XRCC5: variants seen among roughly 807,000 people sequenced by gnomAD.
The protein encoded by XRCC5 is DNA repair protein Ku80.
Under a neutral mutation model 95.7 loss-of-function variants are expected in XRCC5, and 12 were observed. The observed-to-expected ratio is 0.13, with a 90% CI of 0.08 to 0.20. XRCC5 has a LOEUF of 0.20. Among genes scored for constraint, XRCC5 ranks in the 10% least tolerant of loss-of-function variants. The pLI, the probability that XRCC5 is intolerant of heterozygous loss-of-function variation, is 1.00. For synonymous variants in XRCC5, 281 were observed against 290.3 expected (o/e 0.97, Z 0.33); for missense variants, 595 against 873.9 (o/e 0.68, Z 4.02).
intron 6 of XRCC5, among the ~76,000 whole-genome samples, chr2:216,124,897 A>T (rs1696878701): frequency 6.6e-6 from 1 of 152,156 alleles, no homozygotes; most frequent in East Asian, 1.9e-4. Flanking sequence ...TGAAAATATG[A>T]TTGATTTTCA....
Position 216,127,596 on chromosome 2 carries a change from G to C in XRCC5, c.859G>C (p.Glu287Gln). The change falls in exon 8 of 21, where the codon GAA becomes CAA. Residue 287 changes from glutamate to glutamine, a missense_variant. Physicochemically the swap from Glu to Gln is conservative, Grantham distance 29. Around this residue, in one of 2 missense-constraint regions of XRCC5, gnomAD observed 286 missense variants for 491.1 expected, o/e 0.58. Transcript: ENST00000392132. ...TVVDAKTLKK[E>Q]DIQKETVYCL... Reference sequence around the variant, plus strand: ...TGTGGATGCAAAAACCCTAAAAAAAGAAGATATACAAAAAGAAACAGTTTA... The same window carrying C: ...TGTGGATGCAAAAACCCTAAAAAAACAAGATATACAAAAAGAAACAGTTTA... 6.2e-7 allele frequency: 1 copy of C among 1,612,364 alleles called. No individual in the cohort carries two copies. Among genetic ancestry groups the C allele is most frequent in the East Asian group, 2.2e-5 (1 of 44,760 alleles).
intron 16 of XRCC5, among the ~76,000 whole-genome samples, chr2:216,181,401 G>T (rs1689383999): frequency 6.6e-6 from 1 of 151,996 alleles, no homozygotes; most frequent in South Asian, 2.1e-4. Context: ...CCCATTCAAG[G>T]CTTGCCACAA....
intron 13 of XRCC5, among the ~76,000 whole-genome samples, chr2:216,142,721 C>T (rs1433000458): frequency 6.6e-6 from 1 of 152,214 alleles, no homozygotes; most frequent in Non-Finnish European, 1.5e-5. Flanking sequence ...TCCCTTATGA[C>T]TCACTTCATG....
Position 216,192,745 on chromosome 2 carries a change from C to G in XRCC5, c.2041+10C>G, listed in dbSNP as rs749283469. On this transcript the variant is annotated intron_variant, in intron 18 of 20. Coordinates refer to ENST00000392132, the MANE Select transcript of XRCC5 (RefSeq NM_021141.4). Reference sequence around the variant, plus strand: ...GAAATTGTTGTCCAGGGTAAGTTGTCATTTGCCTTTTTTTTTAAAAAGTAT... The same window carrying G: ...GAAATTGTTGTCCAGGGTAAGTTGTGATTTGCCTTTTTTTTTAAAAAGTAT... 1.6e-5 allele frequency: 24 copies of G among 1,542,388 alleles called. No homozygotes were observed. Among genetic ancestry groups the G allele is most frequent in the Non-Finnish European group, 2.1e-5 (24 of 1,146,868 alleles).
intron 12 of XRCC5, 78 bp downstream of exon 12, chr2:216,138,257 T>C (rs1193313523): frequency 2.3e-6 from 3 of 1,318,692 alleles, no homozygotes; most frequent in African/African-American, 1.5e-5. Context: ...TAGTTGTTGG[T>C]TGGGGCTAGG....
At chr2:216,132,279 A>G (rs1697007543) in intron 9 of XRCC5, 46 bp from the exon 10 acceptor site, 1 of 1,572,880 alleles carries the variant, frequency 6.4e-7, no homozygotes, top group African/African-American at 1.4e-5. Flanking sequence ...ATGGTTATAC[A>G]TGTTACTTAT....
chr2:216,192,752 C>G lies in XRCC5; in HGVS notation c.2041+17C>G. 1 of 1,503,816 alleles carries G rather than the reference C, an allele frequency of 6.6e-7. No homozygotes were observed. Among genetic ancestry groups the G allele is most frequent in the Non-Finnish European group, 8.9e-7 (1 of 1,120,066 alleles). 93.2% of individuals were successfully genotyped at this position (1,503,816 alleles called of 1,614,324 possible). Reference sequence around the variant, plus strand: ...TTGTCCAGGGTAAGTTGTCATTTGCCTTTTTTTTTAAAAAGTATTTTTAAA... The same window carrying G: ...TTGTCCAGGGTAAGTTGTCATTTGCGTTTTTTTTTAAAAAGTATTTTTAAA... On this transcript the variant is annotated intron_variant, in intron 18 of 20. Coordinates refer to ENST00000392132, the MANE Select transcript of XRCC5 (RefSeq NM_021141.4).
chr2:216,191,803 T>C (rs1689618449), intron 17 of XRCC5, among the ~76,000 whole-genome samples: 1 of 152,162 alleles, frequency 6.6e-6, no homozygotes, highest in African/African-American at 2.4e-5. Flanking sequence ...TATTAAGAAG[T>C]TACTAATTTT....
chr2:216,205,192 A>ACATGAT lies in XRCC5; in HGVS notation c.2190_2195dup (p.Met731_Ile732dup). 1 of 1,613,972 alleles carries ACATGAT rather than the reference A, an allele frequency of 6.2e-7. No individual in the cohort carries two copies. Among genetic ancestry groups the ACATGAT allele is most frequent in the African/African-American group, 1.3e-5 (1 of 75,024 alleles). ...GTGTGTTGTTCTTGTTCACAGTTGGACATGATATAGGTCGTGGATGTATGG... is the reference window on the plus strand; with the variant it reads ...GTGTGTTGTTCTTGTTCACAGTTGGACATGATCATGATATAGGTCGTGGATGTATGG... On this transcript the variant is annotated inframe_insertion, in exon 21 of 21. Coordinates refer to ENST00000392132, the MANE Select transcript of XRCC5 (RefSeq NM_021141.4).
chr2:216,160,059 CT>C lies in XRCC5; in HGVS notation c.1671-5del. On this transcript the variant is annotated splice_region_variant and splice_polypyrimidine_tract_variant and intron_variant, in intron 14 of 20. Transcript: ENST00000392132. The stretch of plus-strand genomic sequence containing the variant: ...TTGTTCTAAGAGAAATTTTTTTTTT[CT>C]TTTCTAGCCATGAAGATGGACCTAC... 7.0e-7 allele frequency: 1 copy of C among 1,431,132 alleles called. No homozygotes were observed. Among genetic ancestry groups the C allele is most frequent in the South Asian group, 1.4e-5 (1 of 72,802 alleles). 88.7% of individuals were successfully genotyped at this position (1,431,132 alleles called of 1,614,324 possible).
intron 5 of XRCC5, among the ~76,000 whole-genome samples, chr2:216,120,010 C>T (rs1278298234): frequency 6.6e-6 from 1 of 152,172 alleles, no homozygotes; most frequent in Non-Finnish European, 1.5e-5. Context: ...AGTGGTAAGC[C>T]TTTGGCTTCA....
At chr2:216,200,446 G>A (rs1689815224) in intron 19 of XRCC5, among the ~76,000 whole-genome samples, 1 of 152,130 alleles carries the variant, frequency 6.6e-6, no homozygotes, top group Non-Finnish European at 1.5e-5. Flanking sequence ...GCTAGTACAA[G>A]AAAAGTAATA....
intron 16 of XRCC5, among the ~76,000 whole-genome samples, chr2:216,173,821 T>C (rs1380008901): frequency 1.3e-5 from 2 of 152,314 alleles, no homozygotes; most frequent in South Asian, 4.1e-4. Context: ...CCTTCTGATG[T>C]GGGGTGGTCT....
chr2:216,155,388 C>G lies in XRCC5; in HGVS notation c.1671-4680C>G, dbSNP rs181037349. Among the ~76,000 whole-genome samples, 116 of 151,944 alleles carry G rather than the reference C, an allele frequency of 7.6e-4. 1 individual carries two copies. Among genetic ancestry groups the G allele is most frequent in the Non-Finnish European group, 1.6e-3 (109 of 67,946 alleles). ...CAGGAGCAGAAACTCAGCTGGCTTACAAGTGTATGAAGAGATCTTCAATCT... is the reference window on the plus strand; with the variant it reads ...CAGGAGCAGAAACTCAGCTGGCTTAGAAGTGTATGAAGAGATCTTCAATCT... On this transcript the variant is annotated intron_variant, in intron 14 of 20. Transcript: ENST00000392132.
intron 11 of XRCC5, 65 bp downstream of exon 11, chr2:216,137,290 A>C: frequency 1.5e-5 from 23 of 1,526,070 alleles, no homozygotes; most frequent in South Asian, 2.6e-5. Context: ...AGTGTTTCTC[A>C]GCTGTTAATG....
chr2:216,131,482 T>C (rs1696993212), intron 9 of XRCC5, among the ~76,000 whole-genome samples: 1 of 152,206 alleles, frequency 6.6e-6, no homozygotes, highest in Non-Finnish European at 1.5e-5. Context: ...TGGTTATGAT[T>C]TTCAGAACTC....
At chr2:216,179,457 A>G (rs1298455518) in intron 16 of XRCC5, among the ~76,000 whole-genome samples, 1 of 152,162 alleles carries the variant, frequency 6.6e-6, no homozygotes, top group Non-Finnish European at 1.5e-5. Context: ...TCAGCCCATG[A>G]CAGCACTATA....
intron 9 of XRCC5, chr2:216,131,323 G>A (rs1696990655): frequency 1.1e-6 from 1 of 945,050 alleles, no homozygotes; most frequent in Admixed American, 6.2e-5. Flanking sequence ...TGGTGAAAGT[G>A]CTCATAATGT....
At chr2:216,181,480 CA>C (rs1212542565) in intron 16 of XRCC5, among the ~76,000 whole-genome samples, 2 of 152,194 alleles carry the variant, frequency 1.3e-5, no homozygotes, top group Admixed American at 1.3e-4. Flanking sequence ...GTATTCAAAC[CA>C]TGTTCCTGCT....
Sources: gnomAD v4.1 joint callset for allele counts (sites outside exome capture counted in the v4.1 genomes callset) on GRCh38, gnomAD v4.1.1 for gene constraint, gnomAD v4.1.1 regional missense constraint, MANE v1.5 for transcripts, NCBI Gene and HGNC (gene_info 2026-07-23, HGNC 2026-07-21) for gene names.